Variants in G3BP1 observed in about 807,000 individuals in gnomAD.
G3BP1 encodes the protein ras GTPase-activating protein-binding protein 1.
A neutral mutation model predicts 58.6 loss-of-function variants in G3BP1; 35 were observed. The observed-to-expected ratio is 0.60, with a 90% CI of 0.46 to 0.79. The LOEUF is 0.79. Ranked by LOEUF, G3BP1 falls within the 30% of genes least tolerant of loss-of-function variation. G3BP1 has a pLI of 0.00. For missense variants in G3BP1, 523 were observed against 580.8 expected, an observed-to-expected ratio of 0.90 and a Z score of 1.02; for synonymous variants, 191 against 195.4, an observed-to-expected ratio of 0.98 and a Z score of 0.19.
chr5:151,776,771 T>C (rs1762378042), intron 1 of G3BP1, among the ~76,000 whole-genome samples: 1 of 152,044 alleles, frequency 6.6e-6, no homozygotes, highest in African/African-American at 2.4e-5. Flanking sequence ...TTATAAAATA[T>C]CGTCCAGGCT....
At position 151,774,206 on chromosome 5, in the gene G3BP1, C is replaced by A. The variant is rs1762327667; in HGVS notation, c.-50+2170C>A. ...AAAGTCTAAGCTTTTGTACCTCTTA[C>A]AGGTAGAAAAGTAGACAGTTCTTTG... On this transcript the variant is annotated intron_variant, in intron 1 of 11. Transcript: ENST00000356245. 2.0e-5 allele frequency among the ~76,000 whole-genome samples: 3 copies of A among 152,350 alleles called. No individual in the cohort carries two copies. The South Asian group carries it at 6.2e-4, about 32-fold the overall frequency.
chr5:151,802,105 A>G (rs539969776), intron 11 of G3BP1, among the ~76,000 whole-genome samples: 12 of 152,166 alleles, frequency 7.9e-5, no homozygotes, highest in South Asian at 4.1e-4. Context: ...GTGCGAGCCA[A>G]TGCACCTGGC....
intron 3 of G3BP1, 142 bp downstream of exon 3, chr5:151,790,546 T>A (rs984947869): frequency 2.0e-6 from 1 of 504,336 alleles, no homozygotes; most frequent in Non-Finnish European, 3.6e-6. Context: ...TTATTACTAT[T>A]TGATTAATAT....
chr5:151,800,071 G>A lies in G3BP1; in HGVS notation c.955+71G>A, dbSNP rs1762825576. 8 of 1,187,920 alleles carry A rather than the reference G, an allele frequency of 6.7e-6. No homozygotes were observed. The East Asian group carries it at 2.0e-4, about 30-fold the overall frequency. 73.6% of individuals were successfully genotyped at this position (1,187,920 alleles called of 1,614,324 possible). ...GAGAGCTTATTTTGGGAGGGCAGTT[G>A]ATATTTATATACTTTAAAATAAAAA... On this transcript the variant is annotated intron_variant, in intron 9 of 11. Coordinates refer to ENST00000356245, the MANE Select transcript of G3BP1 (RefSeq NM_005754.3).
At chr5:151,787,616 G>A (rs939884769) in intron 2 of G3BP1, 1 of 179,156 alleles carries the variant, frequency 5.6e-6, no homozygotes, top group African/African-American at 2.4e-5. Flanking sequence ...CCTAATGATG[G>A]ATCTATAGAT....
chr5:151,803,500 T>A (rs1480301220), intron 11 of G3BP1, among the ~76,000 whole-genome samples: 3 of 151,298 alleles, frequency 2.0e-5, no homozygotes, highest in African/African-American at 7.3e-5. Context: ...TGCTGGTTCT[T>A]TTTTTTTTCT....
At chr5:151,799,347 A>G (rs1762809034) in intron 8 of G3BP1, 34 bp downstream of exon 8, 1 of 1,015,200 alleles carries the variant, frequency 9.9e-7, no homozygotes, top group Non-Finnish European at 1.6e-6. Context: ...CATTAGGCAA[A>G]TTTACTTCTA....
intron 1 of G3BP1, among the ~76,000 whole-genome samples, chr5:151,774,137 T>C (rs757887000): frequency 1.6e-4 from 24 of 152,206 alleles, no homozygotes; most frequent in Non-Finnish European, 1.6e-4. Flanking sequence ...CCTACATCCC[T>C]ACCAAGTCAT....
In G3BP1 at chr5:151,808,750, AT is replaced by A. The variant is rs1361120140; in HGVS notation, c.*4662del. ...TAAGGATGTTTACCAGAAATTATTG[AT>A]TTACTGAACCAAGTATTTATTTTCA... On this transcript the variant is annotated 3_prime_UTR_variant, in exon 12 of 12. Coordinates refer to ENST00000356245, the MANE Select transcript of G3BP1 (RefSeq NM_005754.3). The A allele has an allele frequency of 2.0e-5, 3 of 152,194 alleles. No individual in the cohort carries two copies. Among genetic ancestry groups the A allele is most frequent in the South Asian group, 2.1e-4 (1 of 4,832 alleles). The allele number at this position is 152,194 out of a possible 1,614,324, so 9.4% of individuals were successfully genotyped here. A position where few individuals can be genotyped will look rare whatever the true frequency, so the allele number is the denominator to read the frequency against.
At chr5:151,800,903 T>G in intron 11 of G3BP1, 34 bp downstream of exon 11, 1 of 1,128,646 alleles carries the variant, frequency 8.9e-7, no homozygotes, top group East Asian at 2.3e-5. Context: ...TTTTTTTTTT[T>G]TTTTTAAAAA....
In G3BP1 at chr5:151,790,892, A is replaced by G. The variant is rs1762639866; in HGVS notation, c.181A>G (p.Ile61Val). Reference sequence around the variant, plus strand: ...TTATTATTATTATTTTTTTAAGGAAATCCACAGGAAAGTGATGTCACAAAA... The same window carrying G: ...TTATTATTATTATTTTTTTAAGGAAGTCCACAGGAAAGTGATGTCACAAAA... ...PADAVYGQKEIHRKVMSQNFT... is the reference protein window; with the variant it reads ...PADAVYGQKEVHRKVMSQNFT... The change falls in exon 4 of 12, where the codon ATC (isoleucine) becomes GTC (valine). Residue 61 changes from isoleucine (I) to valine (V), a missense_variant. Coordinates refer to ENST00000356245, the MANE Select transcript of G3BP1 (RefSeq NM_005754.3). The G allele has an allele frequency of 1.3e-6, 2 of 1,558,886 alleles. No homozygotes were observed. The highest frequency in any genetic ancestry group is 1.7e-5 in the Admixed American group (1 of 59,560).
chr5:151,774,112 G>T (rs1762326005), intron 1 of G3BP1, among the ~76,000 whole-genome samples: 1 of 152,134 alleles, frequency 6.6e-6, no homozygotes, highest in South Asian at 2.1e-4. Flanking sequence ...GTAATGTAAG[G>T]CTTGGCAAGG....
intron 10 of G3BP1, 63 bp from the exon 11 acceptor site, chr5:151,800,697 T>C (rs767828974): frequency 7.2e-6 from 7 of 978,304 alleles, no homozygotes; most frequent in Non-Finnish European, 1.2e-5. Context: ...TATTGGACTG[T>C]GTACATGTAA....
intron 4 of G3BP1, chr5:151,791,449 A>G (rs1344989691): frequency 2.9e-5 from 5 of 172,616 alleles, no homozygotes; most frequent in Non-Finnish European, 5.1e-5. Context: ...GCATTTAGCT[A>G]TCATGTCTCT....
At chr5:151,784,374 TA>T (rs1008225979) in intron 1 of G3BP1, among the ~76,000 whole-genome samples, 2 of 152,214 alleles carry the variant, frequency 1.3e-5, no homozygotes, top group African/African-American at 4.8e-5. Context: ...TATCTTAATC[TA>T]AATGCTGGAA....
chr5:151,798,529 A>G (rs1428627116), intron 7 of G3BP1, among the ~76,000 whole-genome samples: 2 of 152,228 alleles, frequency 1.3e-5, no homozygotes, highest in East Asian at 3.8e-4. Flanking sequence ...TAAATGTGCG[A>G]GAAAGGTGTT....
chr5:151,777,097 G>A (rs2915873), intron 1 of G3BP1, among the ~76,000 whole-genome samples: 30,979 of 152,040 alleles, frequency 0.2, 3,946 homozygotes, highest in South Asian at 0.32. Context: ...TGGTAAATGC[G>A]AAGAGTTTGG....
intron 1 of G3BP1, among the ~76,000 whole-genome samples, chr5:151,776,857 G>A (rs1762379934): frequency 6.7e-6 from 1 of 148,180 alleles, no homozygotes; most frequent in Non-Finnish European, 1.5e-5. Flanking sequence ...GTGAGCCACT[G>A]TGCTGGCCAC....
At chr5:151,791,129 C>T (rs1391131699) in intron 4 of G3BP1, 67 bp downstream of exon 4, 1 of 1,312,028 alleles carries the variant, frequency 7.6e-7, no homozygotes, top group Non-Finnish European at 1.1e-6. Context: ...AACTGTTGTG[C>T]ATATCTTTAA....
Sources: gnomAD v4.1 joint callset for allele counts (sites outside exome capture counted in the v4.1 genomes callset) on GRCh38, gnomAD v4.1.1 for gene constraint, MANE v1.5 for transcripts, NCBI Gene and HGNC (gene_info 2026-07-23, HGNC 2026-07-21) for gene names.